LHFPL3: variants seen among roughly 807,000 people sequenced by gnomAD.
The protein encoded by LHFPL3 is LHFPL tetraspan subfamily member 3 protein.
A neutral mutation model predicts 19.3 loss-of-function variants in LHFPL3; 5 were observed. The ratio of observed to expected loss-of-function variants is 0.26; its 90% CI spans 0.14 to 0.54. LHFPL3 has a LOEUF of 0.54. LHFPL3 is among the 20% of genes least tolerant of loss of function. The pLI is 0.94. For missense variants in LHFPL3, 249 were observed against 307.4 expected (o/e 0.81, Z 1.42); for synonymous variants, 133 against 126.2 (o/e 1.05, Z -0.36).
chr7:104,419,233 T>A (rs1270354176), intron 1 of LHFPL3, among the ~76,000 whole-genome samples: 1 of 152,216 alleles, frequency 6.6e-6, no homozygotes, highest in African/African-American at 2.4e-5. Context: ...AGTTGGAGCT[T>A]CATTTAGTAG....
chr7:104,335,856 GAA>G (rs11399914), intron 1 of LHFPL3, among the ~76,000 whole-genome samples: 26 of 134,740 alleles, frequency 1.9e-4, no homozygotes, highest in Non-Finnish European at 4.0e-4. Context: ...GGAGTAAAAT[GAA>G]AAAAAAAAAA....
chr7:104,478,743 T>G (rs1405429319), intron 1 of LHFPL3, among the ~76,000 whole-genome samples: 1 of 152,202 alleles, frequency 6.6e-6, no homozygotes, highest in Admixed American at 6.5e-5. Context: ...TTGCCAAGTT[T>G]CAGGCACTTG....
intron 1 of LHFPL3, among the ~76,000 whole-genome samples, chr7:104,665,327 G>A (rs1792311070): frequency 6.6e-6 from 1 of 152,212 alleles, no homozygotes; most frequent in Admixed American, 6.5e-5. Flanking sequence ...CATGAAGACA[G>A]TATATTGAAT....
chr7:104,426,001 C>T (rs547264876), intron 1 of LHFPL3, among the ~76,000 whole-genome samples: 23 of 152,356 alleles, frequency 1.5e-4, no homozygotes, highest in African/African-American at 5.3e-4. Flanking sequence ...TGCACGTCAA[C>T]ATTGCCTATT....
chr7:104,720,800 C>G (rs1282528169), intron 1 of LHFPL3, among the ~76,000 whole-genome samples: 1 of 152,216 alleles, frequency 6.6e-6, no homozygotes, highest in Non-Finnish European at 1.5e-5. Context: ...CTCATCATCA[C>G]TGGTCATCAG....
chr7:104,384,529 G>A lies in LHFPL3; in HGVS notation c.445+55305G>A, dbSNP rs562466644. Among the ~76,000 whole-genome samples, 396 of 152,172 alleles carry A rather than the reference G, an allele frequency of 2.6e-3. 2 individuals are homozygous for A. The highest frequency in any genetic ancestry group is 8.5e-3 in the African/African-American group (352 of 41,540). ...AGGCCGGGCATGGTGGCTCATGCCTGTAATCCCAGCACTTTGGGAGGCCGA... is the reference window on the plus strand; with the variant it reads ...AGGCCGGGCATGGTGGCTCATGCCTATAATCCCAGCACTTTGGGAGGCCGA... On this transcript the variant is annotated intron_variant, in intron 1 of 2. Transcript: ENST00000424859.
intron 1 of LHFPL3, among the ~76,000 whole-genome samples, chr7:104,585,480 A>AACACAAACACACACACACACACAC (rs1790552163): frequency 2.4e-5 from 3 of 123,362 alleles, no homozygotes; most frequent in Non-Finnish European, 5.1e-5. Context: ...AACACACACA[A>AACACAAACACACACACACACACAC]ACACACACAC....
chr7:104,656,534 C>T (rs998585557), intron 1 of LHFPL3, among the ~76,000 whole-genome samples: 8 of 152,172 alleles, frequency 5.3e-5, no homozygotes, highest in African/African-American at 1.9e-4. Flanking sequence ...GATATATGAC[C>T]CTGAGTAAGG....
At chr7:104,423,457 A>T (rs1157255031) in intron 1 of LHFPL3, among the ~76,000 whole-genome samples, 4 of 152,036 alleles carry the variant, frequency 2.6e-5, no homozygotes, top group Non-Finnish European at 5.9e-5. Flanking sequence ...TAGAAAAATT[A>T]AAAAAAATTA....
chr7:104,897,245 G>A (rs1175776586), intron 2 of LHFPL3, among the ~76,000 whole-genome samples: 23 of 152,152 alleles, frequency 1.5e-4, no homozygotes, highest in Admixed American at 1.5e-3. Flanking sequence ...GTATTGCACA[G>A]CTACTAAATG....
intron 1 of LHFPL3, among the ~76,000 whole-genome samples, chr7:104,432,777 A>T (rs964633020): frequency 5.3e-5 from 8 of 151,884 alleles, no homozygotes; most frequent in African/African-American, 1.4e-4. Context: ...TCTCTCCCCC[A>T]TATCCCACCC....
chr7:104,667,270 G>GGGC (rs1200374488), intron 1 of LHFPL3, among the ~76,000 whole-genome samples: 1 of 151,766 alleles, frequency 6.6e-6, no homozygotes, highest in Non-Finnish European at 1.5e-5. Flanking sequence ...TTCTTGGGGG[G>GGGC]GGGAATCTTT....
At chr7:104,817,992 C>T (rs1162490723) in intron 2 of LHFPL3, among the ~76,000 whole-genome samples, 3 of 152,156 alleles carry the variant, frequency 2.0e-5, no homozygotes, top group Non-Finnish European at 2.9e-5. Flanking sequence ...TCCATAGGTA[C>T]ACGTGACTAG....
chr7:104,530,770 C>A (rs925391015), intron 1 of LHFPL3, among the ~76,000 whole-genome samples: 19 of 152,186 alleles, frequency 1.2e-4, no homozygotes, highest in Admixed American at 1.2e-3. Context: ...GTCTTTCTAC[C>A]TCCAAGGGTT....
intron 1 of LHFPL3, among the ~76,000 whole-genome samples, chr7:104,639,307 T>G (rs9655779): frequency 0.97 from 147,791 of 152,138 alleles, 71,910 homozygotes; most frequent in East Asian, 1. Flanking sequence ...GTCTTGGGAG[T>G]GTGTATGTGT....
intron 1 of LHFPL3, among the ~76,000 whole-genome samples, chr7:104,628,663 G>T (rs1791588309): frequency 6.6e-6 from 1 of 152,166 alleles, no homozygotes; most frequent in Non-Finnish European, 1.5e-5. Flanking sequence ...TGGATTATTT[G>T]CAACCAGTAG....
chr7:104,555,558 C>T (rs1425825291), intron 1 of LHFPL3, among the ~76,000 whole-genome samples: 2 of 152,140 alleles, frequency 1.3e-5, no homozygotes, highest in African/African-American at 4.8e-5. Context: ...AGACCCGCCC[C>T]CAAAATTCAA....
At chr7:104,650,665 C>T (rs758095985) in intron 1 of LHFPL3, among the ~76,000 whole-genome samples, 10 of 152,108 alleles carry the variant, frequency 6.6e-5, no homozygotes, top group Non-Finnish European at 1.5e-4. Flanking sequence ...GAAGTAAACA[C>T]TTTAACACTG....
intron 2 of LHFPL3, among the ~76,000 whole-genome samples, chr7:104,822,507 C>T (rs1408023545): frequency 6.6e-6 from 1 of 152,110 alleles, no homozygotes; most frequent in African/African-American, 2.4e-5. Context: ...GGATGTTTGC[C>T]AACAGTCCTG....
Sources: gnomAD v4.1 joint callset for allele counts (sites outside exome capture counted in the v4.1 genomes callset) on GRCh38, gnomAD v4.1.1 for gene constraint, MANE v1.5 for transcripts, NCBI Gene and HGNC (gene_info 2026-07-23, HGNC 2026-07-21) for gene names.